Variants in HS6ST3 observed in about 807,000 individuals in gnomAD.
The protein encoded by HS6ST3 is heparan-sulfate 6-O-sulfotransferase 3.
In HS6ST3, 12 loss-of-function variants were observed where a neutral mutation model predicts 36.7. That is an observed-to-expected ratio of 0.33 (90% CI 0.21 to 0.53). The LOEUF is 0.53. HS6ST3 is among the 20% of genes least tolerant of loss of function. HS6ST3 has a pLI of 0.95. For missense variants in HS6ST3, 584 were observed against 640.9 expected (o/e 0.91, Z 0.96); for synonymous variants, 240 against 257.5 (o/e 0.93, Z 0.65).
At chr13:96,610,088 G>C (rs1328630787) in intron 1 of HS6ST3, among the ~76,000 whole-genome samples, 1 of 152,168 alleles carries the variant, frequency 6.6e-6, no homozygotes, top group Non-Finnish European at 1.5e-5. Context: ...ATGACTCTGT[G>C]AATGGCTTCT....
intron 1 of HS6ST3, among the ~76,000 whole-genome samples, chr13:96,340,787 T>G (rs2055126433): frequency 6.6e-6 from 1 of 152,268 alleles, no homozygotes; most frequent in South Asian, 2.1e-4. Context: ...ATGGTCAGTA[T>G]GTTTTTTGAA....
chr13:96,661,093 C>T (rs934410582), intron 1 of HS6ST3, among the ~76,000 whole-genome samples: 1 of 152,118 alleles, frequency 6.6e-6, no homozygotes, highest in Non-Finnish European at 1.5e-5. Flanking sequence ...AGACTGAAGG[C>T]TGCACTGTTG....
At chr13:96,610,284 T>C (rs1440060243) in intron 1 of HS6ST3, among the ~76,000 whole-genome samples, 1 of 152,240 alleles carries the variant, frequency 6.6e-6, no homozygotes, top group Non-Finnish European at 1.5e-5. Context: ...CTGGCAGAGT[T>C]TGTGTTCAAT....
chr13:96,195,949 AT>A (rs1470816515), intron 1 of HS6ST3, among the ~76,000 whole-genome samples: 1 of 152,004 alleles, frequency 6.6e-6, no homozygotes, highest in Non-Finnish European at 1.5e-5. Context: ...AGTTTAAAAC[AT>A]TTTTTTTCTG....
rs181043687 is a variant in HS6ST3 at position 96,733,263 on chromosome 13, T to C, written c.708-99227T>C. On this transcript the variant is annotated intron_variant, in intron 1 of 1. Coordinates refer to ENST00000376705, the MANE Select transcript of HS6ST3 (RefSeq NM_153456.4). Reference sequence around the variant, plus strand: ...TCCCCATTGAGTATGATGTTAGTCATGGTTTGTCATCTATCGACTTTGTTG... The same window carrying C: ...TCCCCATTGAGTATGATGTTAGTCACGGTTTGTCATCTATCGACTTTGTTG... 7.2e-5 allele frequency among the ~76,000 whole-genome samples: 11 copies of C among 152,342 alleles called. No homozygotes were observed. In the East Asian group the frequency reaches 2.1e-3, roughly 29 times the overall value.
chr13:96,275,372 T>G (rs2054742904), intron 1 of HS6ST3, among the ~76,000 whole-genome samples: 1 of 152,176 alleles, frequency 6.6e-6, no homozygotes, highest in South Asian at 2.1e-4. Flanking sequence ...TCTTTGAGCT[T>G]TGGGTGTTAT....
At chr13:96,602,359 T>C (rs74107940) in intron 1 of HS6ST3, among the ~76,000 whole-genome samples, 2,638 of 152,336 alleles carry the variant, frequency 0.017, 76 homozygotes, top group African/African-American at 0.059. Flanking sequence ...TGATCTTTTT[T>C]TTAGCATGAT....
intron 1 of HS6ST3, among the ~76,000 whole-genome samples, chr13:96,413,062 G>A (rs1010047494): frequency 2.6e-5 from 4 of 151,982 alleles, no homozygotes; most frequent in Non-Finnish European, 4.4e-5. Context: ...TTTGTTTCAG[G>A]CCTGAGAGCA....
chr13:96,572,181 G>A (rs2056303201), intron 1 of HS6ST3, among the ~76,000 whole-genome samples: 1 of 152,124 alleles, frequency 6.6e-6, no homozygotes, highest in African/African-American at 2.4e-5. Flanking sequence ...TGTCCTCACC[G>A]CACAGAGATA....
At chr13:96,206,470 T>C (rs373165959) in intron 1 of HS6ST3, among the ~76,000 whole-genome samples, 1 of 152,166 alleles carries the variant, frequency 6.6e-6, no homozygotes, top group South Asian at 2.1e-4. Context: ...TAAAAATTTA[T>C]GTGGAACCAA....
chr13:96,495,824 C>G (rs2055972185), intron 1 of HS6ST3, among the ~76,000 whole-genome samples: 1 of 152,144 alleles, frequency 6.6e-6, no homozygotes, highest in South Asian at 2.1e-4. Flanking sequence ...GTGAGCAAAA[C>G]ATCATAAAAA....
intron 1 of HS6ST3, among the ~76,000 whole-genome samples, chr13:96,730,844 C>A (rs1876132821): frequency 6.6e-6 from 1 of 152,096 alleles, no homozygotes. Flanking sequence ...AGCAATCCTC[C>A]CACCTCAGCT....
At chr13:96,523,384 G>C (rs148950409) in intron 1 of HS6ST3, among the ~76,000 whole-genome samples, 10 of 152,124 alleles carry the variant, frequency 6.6e-5, no homozygotes, top group Admixed American at 5.2e-4. Flanking sequence ...GGTGTTCTCT[G>C]TATTTCCCGA....
At chr13:96,390,004 TG>T (rs2055387775) in intron 1 of HS6ST3, among the ~76,000 whole-genome samples, 1 of 152,152 alleles carries the variant, frequency 6.6e-6, no homozygotes, top group Non-Finnish European at 1.5e-5. Flanking sequence ...TTTCTTTTTT[TG>T]GTTCTTTCTC....
chr13:96,801,848 G>A (rs1410131889), intron 1 of HS6ST3, among the ~76,000 whole-genome samples: 1 of 152,098 alleles, frequency 6.6e-6, no homozygotes, highest in African/African-American at 2.4e-5. Context: ...AGAGAACTCA[G>A]TTGAACTGGA....
At chr13:96,178,171 G>T (rs1415463757) in intron 1 of HS6ST3, among the ~76,000 whole-genome samples, 1 of 152,116 alleles carries the variant, frequency 6.6e-6, no homozygotes, top group Non-Finnish European at 1.5e-5. Context: ...TACTTCTGAG[G>T]CTGAATATTG....
chr13:96,579,213 A>G (rs1339088596), intron 1 of HS6ST3, among the ~76,000 whole-genome samples: 2 of 152,186 alleles, frequency 1.3e-5, no homozygotes, highest in African/African-American at 4.8e-5. Context: ...TCTGTTTTCC[A>G]TAATGTGTTG....
At chr13:96,309,036 A>G (rs531907520) in intron 1 of HS6ST3, among the ~76,000 whole-genome samples, 3 of 152,144 alleles carry the variant, frequency 2.0e-5, no homozygotes, top group Non-Finnish European at 4.4e-5. Flanking sequence ...ACAATTTTAA[A>G]TATTTTCTAA....
intron 1 of HS6ST3, among the ~76,000 whole-genome samples, chr13:96,601,626 T>A (rs1313491252): frequency 1.3e-5 from 2 of 152,222 alleles, no homozygotes; most frequent in Non-Finnish European, 2.9e-5. Flanking sequence ...GATTTGATTT[T>A]GATTTGAATC....
Sources: allele counts gnomAD v4.1 joint callset (sites outside exome capture counted in the v4.1 genomes callset), GRCh38; gene constraint gnomAD v4.1.1; transcripts MANE v1.5; gene names NCBI Gene and HGNC (gene_info 2026-07-23, HGNC 2026-07-21).